Variants in COL23A1 observed in about 807,000 individuals in gnomAD.
COL23A1 encodes collagen alpha-1(XXIII) chain.
Under a neutral mutation model 99.3 loss-of-function variants are expected in COL23A1, and 97 were observed. The ratio of observed to expected loss-of-function variants is 0.98; its 90% CI spans 0.83 to 1.16. The LOEUF is 1.16. Among genes scored for constraint, COL23A1 ranks in the 50% most tolerant of loss-of-function variants. The pLI, the probability that COL23A1 is intolerant of heterozygous loss-of-function variation, is 0.00. For missense variants in COL23A1, 762 were observed against 757.4 expected, an observed-to-expected ratio of 1.01 and a Z score of -0.07; for synonymous variants, 320 against 308.2, an observed-to-expected ratio of 1.04 and a Z score of -0.40.
chr5:178,306,763 G>T lies in COL23A1; in HGVS notation c.406+112C>A. 1 of 755,378 alleles carries T rather than the reference G, an allele frequency of 1.3e-6. No homozygotes were observed. The highest frequency in any genetic ancestry group is 2.0e-6 in the Non-Finnish European group (1 of 504,596). The allele number at this position is 755,378 out of a possible 1,614,324, so 46.8% of individuals were successfully genotyped here. ...GGAAGGGGGAGGAGCACCTGCCCAG[G>T]ACCAAGGCATGACTCAGGGTGGGCA... On this transcript the variant is annotated intron_variant, in intron 3 of 28. Transcript: ENST00000390654. The surrounding 1 kb of genome is among the most constrained non-coding windows in gnomAD (Gnocchi z 4.1).
At chr5:178,461,005 T>A (rs1334302096) in intron 2 of COL23A1, among the ~76,000 whole-genome samples, 1 of 152,148 alleles carries the variant, frequency 6.6e-6, no homozygotes, top group Non-Finnish European at 1.5e-5. Context: ...GAAAGTCGGA[T>A]GGCAGCCCTT....
chr5:178,542,155 C>G (rs931906866), intron 2 of COL23A1, among the ~76,000 whole-genome samples: 1 of 152,170 alleles, frequency 6.6e-6, no homozygotes, highest in African/African-American at 2.4e-5. Context: ...TCCCGAGTAG[C>G]TGGGACTACA....
rs551149951 is a variant in COL23A1 at position 178,550,014 on chromosome 5, T to C, written c.361+10668A>G. 9.2e-5 allele frequency among the ~76,000 whole-genome samples: 14 copies of C among 152,268 alleles called. No homozygotes were observed. In the South Asian group the frequency reaches 2.9e-3, roughly 32 times the overall value. On this transcript the variant is annotated intron_variant, in intron 2 of 28. Coordinates refer to ENST00000390654, the MANE Select transcript of COL23A1 (RefSeq NM_173465.4). The stretch of plus-strand genomic sequence containing the variant: ...AATATTAAGTAAAGAAAGGATCTGG[T>C]TGGGCAAAAGAATGATCAGATACCT...
chr5:178,332,212 TC>T (rs1760068960), intron 2 of COL23A1, among the ~76,000 whole-genome samples: 1 of 152,144 alleles, frequency 6.6e-6, no homozygotes, highest in African/African-American at 2.4e-5. Flanking sequence ...GGTCACCCTC[TC>T]CACACCTGGA....
At chr5:178,540,472 G>A (rs542185) in intron 2 of COL23A1, among the ~76,000 whole-genome samples, 58,048 of 152,044 alleles carry the variant, frequency 0.38, 11,477 homozygotes, top group African/African-American at 0.48. Context: ...AGATGTGTAA[G>A]ACCTCTACTC....
At chr5:178,498,860 C>T (rs1426895223) in intron 2 of COL23A1, among the ~76,000 whole-genome samples, 3 of 151,670 alleles carry the variant, frequency 2.0e-5, no homozygotes, top group Non-Finnish European at 4.4e-5. Context: ...GAGGCTGAGG[C>T]GAGTGGATCA....
At chr5:178,523,661 T>A (rs763825325) in intron 2 of COL23A1, 2 of 152,074 alleles carry the variant, frequency 1.3e-5, no homozygotes, top group Non-Finnish European at 2.9e-5. Flanking sequence ...GCTTTATCAG[T>A]GGCCGTAAGT....
At chr5:178,285,650 C>T (rs1397809597) in intron 5 of COL23A1, among the ~76,000 whole-genome samples, 1 of 152,182 alleles carries the variant, frequency 6.6e-6, no homozygotes, top group Non-Finnish European at 1.5e-5. Flanking sequence ...GGTGTGATCT[C>T]CCCAGGCCCA....
intron 2 of COL23A1, among the ~76,000 whole-genome samples, chr5:178,369,290 G>C (rs1228087247): frequency 6.6e-6 from 1 of 152,104 alleles, no homozygotes; most frequent in Non-Finnish European, 1.5e-5. Context: ...CCACCCTCCT[G>C]TCCTTGTTCA....
intron 1 of COL23A1, among the ~76,000 whole-genome samples, chr5:178,571,973 C>T (rs1763124515): frequency 6.6e-6 from 1 of 150,442 alleles, no homozygotes; most frequent in Non-Finnish European, 1.5e-5. Context: ...GAGGCTGAGG[C>T]AGGAGAATGG....
intron 2 of COL23A1, among the ~76,000 whole-genome samples, chr5:178,347,293 A>C (rs1761027646): frequency 6.6e-6 from 1 of 152,168 alleles, no homozygotes; most frequent in South Asian, 2.1e-4. Context: ...GCCACGAATG[A>C]ACCTTGAACA....
chr5:178,312,959 CAGA>C (rs1211177762), intron 2 of COL23A1, among the ~76,000 whole-genome samples: 3 of 152,206 alleles, frequency 2.0e-5, no homozygotes, highest in Non-Finnish European at 4.4e-5. Context: ...CGTCCACGGA[CAGA>C]AGAATGAGCA....
intron 2 of COL23A1, among the ~76,000 whole-genome samples, chr5:178,349,652 T>A (rs1330360506): frequency 6.6e-6 from 1 of 151,910 alleles, no homozygotes; most frequent in East Asian, 1.9e-4. Flanking sequence ...TTGTCTTCTG[T>A]CTCCCTTGGG....
At chr5:178,261,119 A>G (rs558411217) in intron 11 of COL23A1, among the ~76,000 whole-genome samples, 1 of 152,246 alleles carries the variant, frequency 6.6e-6, no homozygotes, top group Admixed American at 6.5e-5. Context: ...TTCTAAAAAT[A>G]AAATCTATTT....
intron 2 of COL23A1, among the ~76,000 whole-genome samples, chr5:178,392,203 C>A (rs1321927282): frequency 3.3e-5 from 5 of 151,334 alleles, no homozygotes; most frequent in African/African-American, 1.2e-4. Flanking sequence ...TAATAAAAAC[C>A]ACTGACTTCT....
At chr5:178,317,984 T>C (rs1356741202) in intron 2 of COL23A1, among the ~76,000 whole-genome samples, 2 of 152,102 alleles carry the variant, frequency 1.3e-5, no homozygotes, top group Non-Finnish European at 2.9e-5. Context: ...TATCTCCCAA[T>C]GAGTCCCTCC....
intron 2 of COL23A1, among the ~76,000 whole-genome samples, chr5:178,341,182 A>C (rs1375701238): frequency 6.6e-6 from 1 of 152,228 alleles, no homozygotes; most frequent in Non-Finnish European, 1.5e-5. Flanking sequence ...GCTGGATCAC[A>C]GTAGTGCGAT....
intron 2 of COL23A1, among the ~76,000 whole-genome samples, chr5:178,318,282 C>A (rs768626684): frequency 6.6e-6 from 1 of 152,230 alleles, no homozygotes; most frequent in Non-Finnish European, 1.5e-5. Flanking sequence ...CCTTCGGTGC[C>A]TTCCAGCAGA....
At chr5:178,238,814 C>A in intron 28 of COL23A1, 114 bp from the exon 29 acceptor site, 1 of 1,406,138 alleles carries the variant, frequency 7.1e-7, no homozygotes, top group Non-Finnish European at 1.0e-6. Flanking sequence ...TCTTCCCTCC[C>A]CCCACTCCCT....
Sources: allele counts gnomAD v4.1 joint callset (sites outside exome capture counted in the v4.1 genomes callset), GRCh38; gene constraint gnomAD v4.1.1; non-coding constraint Gnocchi (gnomAD v3.1); transcripts MANE v1.5; gene names NCBI Gene and HGNC (gene_info 2026-07-23, HGNC 2026-07-21).